The following ABHD8 variants were observed in gnomAD, a reference collection of about 807,000 sequenced individuals.
ABHD8 encodes protein ABHD8.
In ABHD8, 10 loss-of-function variants were observed where a neutral mutation model predicts 29.3. That is an observed-to-expected ratio of 0.34 (90% confidence interval 0.21 to 0.58). The LOEUF (loss-of-function observed/expected upper bound fraction) is 0.58, where lower values mean the gene tolerates loss of function less well. ABHD8 is among the 20% of genes least tolerant of loss of function. ABHD8 has a pLI of 0.85. For missense variants in ABHD8, 556 were observed against 615.3 expected, an observed-to-expected ratio of 0.90 and a Z score of 1.02; for synonymous variants, 282 against 274.6, an observed-to-expected ratio of 1.03 and a Z score of -0.27.
rs2074075455 is a variant in ABHD8, at chr19:17,292,573, A to C, written c.*88T>G. On this transcript the variant is annotated 3_prime_UTR_variant, in exon 5 of 5. Coordinates refer to ENST00000247706, the MANE Select transcript of ABHD8 (RefSeq NM_024527.5). ...GCCCACCGGAGCGAACGGCCCGCCC[A>C]GGTGGTCTGCGCTGCAGACCTGGCG... The C allele has an allele frequency of 2.0e-5, 28 of 1,377,400 alleles. No individual in the cohort carries two copies. Among genetic ancestry groups the C allele is most frequent in the Non-Finnish European group, 2.7e-5 (28 of 1,050,504 alleles). 85.3% of individuals were successfully genotyped at this position (1,377,400 alleles called of 1,614,324 possible).
chr19:17,300,583 TTC>T (rs1434855934), intron 2 of ABHD8, among the ~76,000 whole-genome samples: 1 of 152,116 alleles, frequency 6.6e-6, no homozygotes, highest in African/African-American at 2.4e-5. Context: ...GTTCAAGTGA[TTC>T]CTCTGCCTCA....
In ABHD8 at chr19:17,294,412, A is replaced by G; in HGVS notation, c.1025T>C (p.Met342Thr). 1.2e-6 allele frequency: 2 copies of G among 1,614,096 alleles called. No individual in the cohort carries two copies. Among genetic ancestry groups the G allele is most frequent in the Non-Finnish European group, 1.7e-6 (2 of 1,180,012 alleles). ...GCCCTCGGGCCAGTACTGGCCGCTC[A>G]TCATGGCCCGGAGTACGAAGGATGA... ...NVSSFVLRAM[M>T]SGQYWPEGDE... Residue 342 changes from methionine to threonine, a missense_variant, in exon 4 of 5, where the codon ATG (methionine) becomes ACG (threonine). By Grantham distance (81) the Met-to-Thr change is moderately conservative. Coordinates refer to ENST00000247706, the MANE Select transcript of ABHD8 (RefSeq NM_024527.5).
At chr19:17,302,284 C>T (rs2074124061) in intron 1 of ABHD8, 1 of 152,576 alleles carries the variant, frequency 6.6e-6, no homozygotes, top group African/African-American at 2.4e-5. Context: ...GACACCCCCT[C>T]CCCCCAGCTG....
At position 17,292,405 on chromosome 19, in the gene ABHD8, C is replaced by T; in HGVS notation, c.*256G>A. ...GTGAGGGAGAGCTTCTGTACAAGGT[C>T]ATCTTCCGTGAGGGTCCCGGCTGCG... On this transcript the variant is annotated 3_prime_UTR_variant, in exon 5 of 5. Transcript: ENST00000247706. 1 of 518,096 alleles carries T rather than the reference C, an allele frequency of 1.9e-6. No individual in the cohort carries two copies. Among genetic ancestry groups the T allele is most frequent in the Admixed American group, 3.8e-5 (1 of 26,546 alleles). 32.1% of individuals were successfully genotyped at this position (518,096 alleles called of 1,614,324 possible).
intron 2 of ABHD8, among the ~76,000 whole-genome samples, chr19:17,299,893 C>G (rs756511827): frequency 6.8e-6 from 1 of 146,288 alleles, no homozygotes; most frequent in South Asian, 2.3e-4. Flanking sequence ...CACCACCGCG[C>G]GTGGTGGCCC....
At chr19:17,299,900 GC>G (rs200754881) in intron 2 of ABHD8, among the ~76,000 whole-genome samples, 1,877 of 141,510 alleles carry the variant, frequency 0.013, 32 homozygotes, top group African/African-American at 0.045. Flanking sequence ...GCGCGTGGTG[GC>G]CCCTTTTTTT....
Position 17,294,260 on chromosome 19 carries a change from C to G in ABHD8, c.1149+28G>C, listed in dbSNP as rs1433204342. 1.9e-6 allele frequency: 3 copies of G among 1,587,928 alleles called. No homozygotes were observed. In the East Asian group the frequency reaches 6.7e-5, roughly 36 times the overall value. ...CGGGCAGCACCCTGGGGATTTGTAG[C>G]TGTGGCGCCCCAGGTGCCCGCCTCT... On this transcript the variant is annotated intron_variant, in intron 4 of 4. Coordinates refer to ENST00000247706, the MANE Select transcript of ABHD8 (RefSeq NM_024527.5).
chr19:17,299,099 T>C (rs1315249548), intron 2 of ABHD8, among the ~76,000 whole-genome samples: 1 of 152,080 alleles, frequency 6.6e-6, no homozygotes, highest in East Asian at 1.9e-4. Flanking sequence ...GAAATCCCTG[T>C]CTGATTACAT....
At chr19:17,293,609 C>T (rs2074080532) in intron 4 of ABHD8, among the ~76,000 whole-genome samples, 1 of 152,008 alleles carries the variant, frequency 6.6e-6, no homozygotes, top group Non-Finnish European at 1.5e-5. Context: ...AAAAATGTCT[C>T]CATGCATTTC....
At chr19:17,299,760 T>C (rs1338077255) in intron 2 of ABHD8, among the ~76,000 whole-genome samples, 1 of 151,936 alleles carries the variant, frequency 6.6e-6, no homozygotes, top group Non-Finnish European at 1.5e-5. Flanking sequence ...AAATGGGATT[T>C]TTTTCAAGGA....
intron 2 of ABHD8, chr19:17,298,398 C>G (rs2074102609): frequency 6.6e-6 from 1 of 152,100 alleles, no homozygotes. Context: ...GGTTGTATTA[C>G]CTGCCCTTTA....
At chr19:17,297,676 AAG>A (rs1157435254) in intron 2 of ABHD8, 2 of 152,036 alleles carry the variant, frequency 1.3e-5, no homozygotes, top group African/African-American at 4.8e-5. Flanking sequence ...ATAAACAAAT[AAG>A]AGCTGTTACC....
At chr19:17,302,586 C>T (rs1295325245) in intron 1 of ABHD8, among the ~76,000 whole-genome samples, 1 of 152,140 alleles carries the variant, frequency 6.6e-6, no homozygotes, top group Non-Finnish European at 1.5e-5. Context: ...TCCCCTAGAC[C>T]GGGGTGAGCC....
At chr19:17,294,542 C>T in intron 3 of ABHD8, 38 bp from the exon 4 acceptor site, 1 of 1,612,542 alleles carries the variant, frequency 6.2e-7, no homozygotes, top group Non-Finnish European at 8.5e-7. Context: ...CCCCTTATGC[C>T]AGCCCGACTG....
intron 2 of ABHD8, chr19:17,298,572 G>A (rs901764726): frequency 3.3e-5 from 5 of 152,036 alleles, no homozygotes; most frequent in African/African-American, 9.7e-5. Context: ...ACCAGGGCAC[G>A]CTTGGCAACT....
rs768218913 is a variant in ABHD8 at position 17,300,973 on chromosome 19, G to A, written c.644C>T (p.Ala215Val). ...TGCGGCCACCTGGGGCGCAGAGCTG[G>A]CCCCGTGGCCGGCCAGGTCAGGAGC... ...VVAPDLAGHGASSAPQVAAAY... is the reference protein window; with the variant it reads ...VVAPDLAGHGVSSAPQVAAAY... Residue 215 changes from alanine (A) to valine (V), a missense_variant, in exon 2 of 5, where the codon GCC (alanine) becomes GTC (valine). By Grantham distance (64) the Ala-to-Val change is moderately conservative (BLOSUM62 0). Coordinates refer to ENST00000247706, the MANE Select transcript of ABHD8 (RefSeq NM_024527.5). The A allele has an allele frequency of 1.9e-6, 3 of 1,613,464 alleles. No individual in the cohort carries two copies. The highest frequency in any genetic ancestry group is 2.5e-6 in the Non-Finnish European group (3 of 1,180,004).
At position 17,294,650 on chromosome 19, in the gene ABHD8, C is replaced by T. The variant is rs749594333; in HGVS notation, c.932+25G>A. On this transcript the variant is annotated intron_variant, in intron 3 of 4. Transcript: ENST00000247706. Reference sequence around the variant, plus strand: ...CCTGGGTTCGCCAGGGCCAGGATCACGGTCTTTGGGGTGGGGACACTCACT... The same window carrying T: ...CCTGGGTTCGCCAGGGCCAGGATCATGGTCTTTGGGGTGGGGACACTCACT... 13 of 1,611,428 alleles carry T rather than the reference C, an allele frequency of 8.1e-6. No individual in the cohort carries two copies. The South Asian group carries it at 1.1e-4, about 14-fold the overall frequency.
At chr19:17,302,499 G>T (rs2074125213) in intron 1 of ABHD8, among the ~76,000 whole-genome samples, 1 of 152,180 alleles carries the variant, frequency 6.6e-6, no homozygotes, top group African/African-American at 2.4e-5. Context: ...GAGGCTCCTG[G>T]CTCTGAATTT....
rs542738769 is a variant in ABHD8 at position 17,301,863 on chromosome 19, G to C, written c.-8-239C>G. Among the ~76,000 whole-genome samples, 32 of 151,840 alleles carry C rather than the reference G, an allele frequency of 2.1e-4. 1 individual carries two copies. In the South Asian group the frequency reaches 6.6e-3, roughly 32 times the overall value. ...GGCTGGAGGGCAGTGGCCGGATTTC[G>C]GCTTACTGCAACCTCCCCCTCCTGG... is the stretch of plus-strand genomic sequence containing the variant. On this transcript the variant is annotated intron_variant, in intron 1 of 4. Transcript: ENST00000247706.
Sources: allele counts gnomAD v4.1 joint callset (sites outside exome capture counted in the v4.1 genomes callset), GRCh38; gene constraint gnomAD v4.1.1; transcripts MANE v1.5; gene names NCBI Gene and HGNC (gene_info 2026-07-23, HGNC 2026-07-21).